Variants in EYS observed in about 807,000 individuals in gnomAD.
The protein encoded by EYS is protein eyes shut homolog.
EYS carries 250 observed loss-of-function variants against 282.1 expected under a neutral mutation model. The ratio of observed to expected loss-of-function variants is 0.89; its 90% CI spans 0.80 to 0.98. EYS has a LOEUF of 0.98. Ranked by LOEUF, EYS falls within the 50% of genes least tolerant of loss-of-function variation. EYS has a pLI of 0.00. For synonymous variants in EYS, 1,355 were observed against 1,282.9 expected (o/e 1.06, Z -1.20); for missense variants, 4,016 against 3,709.0 (o/e 1.08, Z -2.15).
intron 22 of EYS, among the ~76,000 whole-genome samples, chr6:64,668,361 T>C (rs1769310272): frequency 6.6e-6 from 1 of 152,124 alleles, no homozygotes; most frequent in Non-Finnish European, 1.5e-5. Context: ...CAAAATATAC[T>C]TCACAAAAAG....
At chr6:63,728,249 A>G (rs1768692097) in intron 41 of EYS, among the ~76,000 whole-genome samples, 1 of 152,158 alleles carries the variant, frequency 6.6e-6, no homozygotes, top group African/African-American at 2.4e-5. Context: ...AAATACACAT[A>G]CAATTAACAT....
At chr6:63,897,004 T>G (rs986377192) in intron 35 of EYS, among the ~76,000 whole-genome samples, 7 of 152,246 alleles carry the variant, frequency 4.6e-5, no homozygotes, top group Non-Finnish European at 1.0e-4. Context: ...GCTTAGTTAT[T>G]TTTCATAATG....
At chr6:64,580,349 T>A (rs1766021591) in intron 26 of EYS, among the ~76,000 whole-genome samples, 1 of 152,042 alleles carries the variant, frequency 6.6e-6, no homozygotes, top group African/African-American at 2.4e-5. Flanking sequence ...AGGAGAAGGA[T>A]AAAGGGAAAA....
chr6:64,356,765 A>G (rs557593900), intron 29 of EYS, among the ~76,000 whole-genome samples: 1 of 151,740 alleles, frequency 6.6e-6, no homozygotes, highest in Non-Finnish European at 1.5e-5. Flanking sequence ...TGTTATGTAG[A>G]GCAATTCTTG....
chr6:63,982,345 C>T lies in EYS; in HGVS notation c.7055+2038G>A, dbSNP rs182646345. 7.9e-3 allele frequency among the ~76,000 whole-genome samples: 1,206 copies of T among 151,798 alleles called. 5 individuals carry two copies. Among genetic ancestry groups the T allele is most frequent in the Middle Eastern group, 0.017 (5 of 294 alleles). ...TTTTCTGCATAAGAATCTCACATTG[C>T]AGTAAAGGTATGGGATAGGTTGGGG... On this transcript the variant is annotated intron_variant, in intron 35 of 42. Coordinates refer to ENST00000503581, the MANE Select transcript of EYS (RefSeq NM_001142800.2).
chr6:64,528,536 G>A (rs1328087369), intron 26 of EYS, among the ~76,000 whole-genome samples: 1 of 151,844 alleles, frequency 6.6e-6, no homozygotes, highest in South Asian at 2.1e-4. Flanking sequence ...AATGTGTTTT[G>A]CTTTGAATCT....
intron 22 of EYS, among the ~76,000 whole-genome samples, chr6:64,678,019 A>G (rs916242937): frequency 6.6e-6 from 1 of 152,134 alleles, no homozygotes; most frequent in Non-Finnish European, 1.5e-5. Flanking sequence ...AGTAACACTA[A>G]GAAATCAGGA....
chr6:64,328,594 G>A (rs982947811), intron 29 of EYS, among the ~76,000 whole-genome samples: 1 of 152,184 alleles, frequency 6.6e-6, no homozygotes, highest in African/African-American at 2.4e-5. Context: ...GCATTTGTAA[G>A]CCAGGCACAA....
intron 28 of EYS, among the ~76,000 whole-genome samples, chr6:64,418,932 G>A (rs140279443): frequency 1.7e-3 from 261 of 152,292 alleles, no homozygotes; most frequent in African/African-American, 6.1e-3. Flanking sequence ...TGTGAACGGT[G>A]GTTAATATTC....
chr6:65,373,141 CTTAAG>C (rs1388333207), intron 8 of EYS, among the ~76,000 whole-genome samples: 1 of 152,100 alleles, frequency 6.6e-6, no homozygotes. Flanking sequence ...TAAACTTGGT[CTTAAG>C]TTAAATCCTC....
rs77536424 is a variant in EYS, at chr6:64,301,298, G to T, written c.6191+5672C>A. 7.3e-3 allele frequency among the ~76,000 whole-genome samples: 1,110 copies of T among 152,242 alleles called. 17 individuals carry two copies. The highest frequency in any genetic ancestry group is 0.049 in the East Asian group (254 of 5,178). The stretch of plus-strand genomic sequence containing the variant: ...CAAAATCTCTTTTCTATCTTAAAGG[G>T]CAATTGAGCCCTGGATTCTCCCAGG... On this transcript the variant is annotated intron_variant, in intron 30 of 42. Transcript: ENST00000503581.
intron 12 of EYS, among the ~76,000 whole-genome samples, chr6:65,216,220 A>T (rs548734389): frequency 6.6e-6 from 1 of 152,214 alleles, no homozygotes; most frequent in South Asian, 2.1e-4. Context: ...TTTATATTTT[A>T]TATATGCATA....
chr6:65,348,295 T>C (rs1464693012), intron 9 of EYS, among the ~76,000 whole-genome samples: 2 of 151,754 alleles, frequency 1.3e-5, no homozygotes, highest in Admixed American at 6.6e-5. Context: ...TTTAGTATTT[T>C]TTAGGAACCT....
chr6:64,551,855 C>T (rs1190120128), intron 26 of EYS, among the ~76,000 whole-genome samples: 2 of 152,188 alleles, frequency 1.3e-5, no homozygotes, highest in Non-Finnish European at 1.5e-5. Context: ...TCTCCACATC[C>T]TCTCCAGCAC....
intron 2 of EYS, among the ~76,000 whole-genome samples, chr6:65,588,399 C>A (rs137904816): frequency 6.7e-6 from 1 of 149,530 alleles, no homozygotes; most frequent in Non-Finnish European, 1.5e-5. Context: ...TGTCATGTGG[C>A]GGGGGGAGTA....
At chr6:65,554,728 C>T (rs964454607) in intron 2 of EYS, among the ~76,000 whole-genome samples, 1 of 152,136 alleles carries the variant, frequency 6.6e-6, no homozygotes, top group African/African-American at 2.4e-5. Context: ...AGAAAGATTA[C>T]TAAGTGAATG....
At chr6:63,778,254 A>G in intron 39 of EYS, 74 bp from the exon 40 acceptor site, 2 of 1,418,736 alleles carry the variant, frequency 1.4e-6, no homozygotes, top group Non-Finnish European at 1.9e-6. Flanking sequence ...GTTATTTTTC[A>G]TTTTTAAAGT....
At chr6:64,312,422 C>A (rs868750851) in intron 29 of EYS, among the ~76,000 whole-genome samples, 3 of 152,172 alleles carry the variant, frequency 2.0e-5, no homozygotes, top group Non-Finnish European at 4.4e-5. Flanking sequence ...TGGGACAGAG[C>A]AACTAGGGGA....
At chr6:64,652,567 A>G (rs1405029734) in intron 22 of EYS, among the ~76,000 whole-genome samples, 3 of 152,206 alleles carry the variant, frequency 2.0e-5, no homozygotes, top group African/African-American at 7.2e-5. Context: ...CTCTGATTTT[A>G]GCCCAGTGAG....
Sources: gnomAD v4.1 joint callset for allele counts (sites outside exome capture counted in the v4.1 genomes callset) on GRCh38, gnomAD v4.1.1 for gene constraint, MANE v1.5 for transcripts, NCBI Gene and HGNC (gene_info 2026-07-23, HGNC 2026-07-21) for gene names.